Variants in SLC43A3 observed in about 807,000 individuals in gnomAD.
SLC43A3 encodes solute carrier family 43 member 3.
SLC43A3 carries 33 observed loss-of-function variants against 53.3 expected under a neutral mutation model. The observed-to-expected ratio is 0.62, with a 90% CI of 0.47 to 0.83. The LOEUF (loss-of-function observed/expected upper bound fraction) is 0.83, where lower values mean the gene tolerates loss of function less well. Among genes scored for constraint, SLC43A3 ranks in the 40% least tolerant of loss-of-function variants. The probability of loss-of-function intolerance (pLI) is 0.00; values close to 1 mark genes in which losing one functional copy is unlikely to be tolerated. For missense variants in SLC43A3, 530 were observed against 610.0 expected (o/e 0.87, Z 1.38); for synonymous variants, 236 against 246.2 (o/e 0.96, Z 0.39).
chr11:57,415,487 T>C (rs1358634097), intron 9 of SLC43A3: 1 of 1,037,998 alleles, frequency 9.6e-7, no homozygotes, highest in African/African-American at 1.6e-5. Flanking sequence ...TGTTCTAACC[T>C]GCTCCTCAGC....
At chr11:57,418,576 A>C (rs1345034684) in intron 7 of SLC43A3, among the ~76,000 whole-genome samples, 2 of 152,090 alleles carry the variant, frequency 1.3e-5, no homozygotes, top group Non-Finnish European at 2.9e-5. Flanking sequence ...CACGCCTGTA[A>C]TTCCAGCTAC....
rs1488090565 is a variant in SLC43A3 at position 57,407,835 on chromosome 11, C to T, written c.1433G>A (p.Arg478Gln). The change falls in exon 14 of 14, where the codon CGG (arginine) becomes CAG (glutamine). Residue 478 changes from arginine (R) to glutamine (Q), a missense_variant. Arg to Gln is a conservative substitution (Grantham distance 43). Transcript: ENST00000395124. ...ACTTTCTTTCCAAGTACGGCATTCC[C>T]GATATACCAGAAAGGGGTGGAAGAA... The part of the protein sequence containing the change: ...LTFFHPFLVY[R>Q]ECRTWKESPS... The T allele has an allele frequency of 1.2e-5, 20 of 1,613,400 alleles. No homozygotes were observed. Among genetic ancestry groups the T allele is most frequent in the African/African-American group, 5.3e-5 (4 of 74,876 alleles).
chr11:57,423,014 G>A (rs1267269146), intron 5 of SLC43A3, among the ~76,000 whole-genome samples: 2 of 152,142 alleles, frequency 1.3e-5, no homozygotes. Context: ...TTGAGCCACG[G>A]GTCTAACACT....
intron 5 of SLC43A3, among the ~76,000 whole-genome samples, chr11:57,422,481 G>A (rs979559249): frequency 2.0e-5 from 3 of 152,194 alleles, no homozygotes; most frequent in South Asian, 2.1e-4. Flanking sequence ...TGTAGTTCAC[G>A]TAGTATGCGT....
chr11:57,410,258 G>A (rs1280560033), intron 11 of SLC43A3, 137 bp from the exon 12 acceptor site: 31 of 654,628 alleles, frequency 4.7e-5, no homozygotes, highest in Non-Finnish European at 6.6e-5. Flanking sequence ...AGTCATCCTC[G>A]AATCCTTTCC....
Position 57,410,016 on chromosome 11 carries a change from G to A in SLC43A3, c.1166C>T (p.Pro389Leu). 1 of 1,613,334 alleles carries A rather than the reference G, an allele frequency of 6.2e-7. No homozygotes were observed. Among genetic ancestry groups the A allele is most frequent in the South Asian group, 1.1e-5 (1 of 90,620 alleles). The change falls in exon 12 of 14, where the codon CCT becomes CTT. Residue 389 changes from proline to leucine, a missense_variant. By Grantham distance (98) the Pro-to-Leu change is moderately conservative. This residue lies in a region of SLC43A3 where 124 missense variants were observed against 166.4 expected (regional missense o/e 0.75). Transcript: ENST00000395124. ...FALCASVPIL[P>L]LQYLTFILQV... ...CAGGATGAAGGTGAGGTACTGGAGAGGGAGGATGGGGACTGAGGCACAGAG... is the reference window on the plus strand; with the variant it reads ...CAGGATGAAGGTGAGGTACTGGAGAAGGAGGATGGGGACTGAGGCACAGAG...
At chr11:57,410,412 C>T (rs1268540127) in intron 11 of SLC43A3, among the ~76,000 whole-genome samples, 2 of 152,096 alleles carry the variant, frequency 1.3e-5, no homozygotes, top group Non-Finnish European at 2.9e-5. Flanking sequence ...CTGCAATACC[C>T]TCCTGACAGG....
At chr11:57,421,214 C>T in intron 6 of SLC43A3, 83 bp downstream of exon 6, 1 of 1,346,924 alleles carries the variant, frequency 7.4e-7, no homozygotes, top group Non-Finnish European at 1.1e-6. Flanking sequence ...CCATCTGAGG[C>T]AGCCAATTAT....
chr11:57,411,471 C>A (rs1942467678), intron 11 of SLC43A3, among the ~76,000 whole-genome samples: 9 of 78,850 alleles, frequency 1.1e-4, no homozygotes, highest in East Asian at 3.4e-4. Flanking sequence ...CCTTCCTCTA[C>A]AAAAAAAAAA....
Position 57,423,984 on chromosome 11 carries a change from G to A in SLC43A3, c.359C>T (p.Ala120Val). ...CCCACCCACCTGACAGCACTCACCT[G>A]CAGAGGTGAAGGCTATGATGAGTGT... is the stretch of plus-strand genomic sequence containing the variant. ...TATLIIAFTS[A>V]GSAVLLFLAM... The change falls in exon 5 of 14, where the codon GCA becomes GTA. Residue 120 changes from alanine to valine, a missense_variant and splice_region_variant. Physicochemically the swap from Ala to Val is moderately conservative, Grantham distance 64. Around this residue, in one of 3 missense-constraint regions of SLC43A3, gnomAD observed 376 missense variants for 386.7 expected, o/e 0.97. Transcript: ENST00000395124. 1 of 1,613,924 alleles carries A rather than the reference G, an allele frequency of 6.2e-7. No homozygotes were observed. Among genetic ancestry groups the A allele is most frequent in the African/African-American group, 1.3e-5 (1 of 75,034 alleles).
intron 3 of SLC43A3, 35 bp from the exon 4 acceptor site, chr11:57,425,705 C>A: frequency 6.2e-7 from 1 of 1,612,092 alleles, no homozygotes; most frequent in Non-Finnish European, 8.5e-7. Context: ...TGCATCCCAG[C>A]CTTCCTGCCA....
chr11:57,409,156 C>T lies in SLC43A3; in HGVS notation c.1371+19G>A. On this transcript the variant is annotated intron_variant, in intron 13 of 13. Transcript: ENST00000395124. ...GGCCCAGGCCTCCTGCCAGGGATCCCCATCCTCCCAGTACTCACGTAAAAT... is the reference window on the plus strand; with the variant it reads ...GGCCCAGGCCTCCTGCCAGGGATCCTCATCCTCCCAGTACTCACGTAAAAT... 6.2e-7 allele frequency: 1 copy of T among 1,614,050 alleles called. No homozygotes were observed. Among genetic ancestry groups the T allele is most frequent in the Non-Finnish European group, 8.5e-7 (1 of 1,179,924 alleles).
At position 57,407,600 on chromosome 11, in the gene SLC43A3, A is replaced by G. The variant is rs375168065; in HGVS notation, c.*192T>C. ...CATGCCTTTGCTTTGAGTCTGTGTGATATCAATCTGCTTGGCAACTGAGAT... is the reference window on the plus strand; with the variant it reads ...CATGCCTTTGCTTTGAGTCTGTGTGGTATCAATCTGCTTGGCAACTGAGAT... On this transcript the variant is annotated 3_prime_UTR_variant, in exon 14 of 14. Coordinates refer to ENST00000395124, the MANE Select transcript of SLC43A3 (RefSeq NM_199329.3). 6 of 561,562 alleles carry G rather than the reference A, an allele frequency of 1.1e-5. No homozygotes were observed. The highest frequency in any genetic ancestry group is 4.3e-5 in the South Asian group (2 of 46,350). 34.8% of individuals were successfully genotyped at this position (561,562 alleles called of 1,614,324 possible).
At chr11:57,411,876 CAT>C (rs1200789685) in intron 11 of SLC43A3, among the ~76,000 whole-genome samples, 1 of 151,948 alleles carries the variant, frequency 6.6e-6, no homozygotes, top group Non-Finnish European at 1.5e-5. Context: ...TTTACATATG[CAT>C]ATGTTAGGAA....
At chr11:57,416,520 C>A in intron 9 of SLC43A3, 53 bp downstream of exon 9, 1 of 1,452,046 alleles carries the variant, frequency 6.9e-7, no homozygotes, top group Non-Finnish European at 9.7e-7. Flanking sequence ...CCAGGAAAGG[C>A]ACAAGGAGAG....
At chr11:57,422,048 T>G (rs1943013133) in intron 5 of SLC43A3, among the ~76,000 whole-genome samples, 1 of 152,244 alleles carries the variant, frequency 6.6e-6, no homozygotes, top group Admixed American at 6.5e-5. Context: ...GCTCAAGAGC[T>G]GGGCTAGGGG....
At chr11:57,420,533 C>T (rs1050981936) in intron 7 of SLC43A3, among the ~76,000 whole-genome samples, 1 of 152,322 alleles carries the variant, frequency 6.6e-6, no homozygotes, top group South Asian at 2.1e-4. Context: ...ACCCCAACAT[C>T]AGCCACTGGG....
chr11:57,414,593 C>G (rs1267067543), intron 11 of SLC43A3, 22 bp downstream of exon 11: 2 of 1,474,948 alleles, frequency 1.4e-6, no homozygotes, highest in East Asian at 2.3e-5. Context: ...CTGACCAGCC[C>G]CTGCCCTCCC....
intron 13 of SLC43A3, chr11:57,408,203 T>G (rs1456072953): frequency 7.1e-6 from 2 of 281,956 alleles, no homozygotes; most frequent in Non-Finnish European, 1.4e-5. Context: ...AGGCACCAGC[T>G]AGAATACACA....
Sources: gnomAD v4.1 joint callset for allele counts (sites outside exome capture counted in the v4.1 genomes callset) on GRCh38, gnomAD v4.1.1 for gene constraint, gnomAD v4.1.1 regional missense constraint, MANE v1.5 for transcripts, NCBI Gene and HGNC (gene_info 2026-07-23, HGNC 2026-07-21) for gene names.